Variants in SBF2 observed in about 807,000 individuals in gnomAD.
SBF2 encodes the protein SET binding factor 2.
A neutral mutation model predicts 225.2 loss-of-function variants in SBF2; 112 were observed. That is an observed-to-expected ratio of 0.50 (90% CI 0.43 to 0.58). The LOEUF is 0.58. SBF2 is among the 20% of genes least tolerant of loss of function. The pLI is 0.00. For synonymous variants in SBF2, 763 were observed against 773.3 expected (o/e 0.99, Z 0.22); for missense variants, 1,996 against 2,206.2 (o/e 0.90, Z 1.91).
At chr11:10,283,073 TC>T (rs1345202972) in intron 1 of SBF2, among the ~76,000 whole-genome samples, 27 of 152,330 alleles carry the variant, frequency 1.8e-4, no homozygotes, top group African/African-American at 6.5e-4. Flanking sequence ...ATATCACCTC[TC>T]ATAAGAAGTC....
Position 9,784,845 on chromosome 11 carries a change from T to G in SBF2, c.5231+280A>C, listed in dbSNP as rs369128824. 10 of 529,918 alleles carry G rather than the reference T, an allele frequency of 1.9e-5. No individual in the cohort carries two copies. In the African/African-American group the frequency reaches 1.9e-4, roughly 10 times the overall value. The allele number at this position is 529,918 out of a possible 1,614,324, so 32.8% of individuals were successfully genotyped here. On this transcript the variant is annotated intron_variant, in intron 37 of 39. Coordinates refer to ENST00000256190, the MANE Select transcript of SBF2 (RefSeq NM_030962.4). ...CTGATGTGTGCCACTGACAAAGTGC[T>G]GGCTGACACATGTTCCCTCAAACGT...
intron 32 of SBF2, among the ~76,000 whole-genome samples, chr11:9,802,558 G>A (rs906974356): frequency 4.6e-5 from 7 of 152,210 alleles, no homozygotes; most frequent in African/African-American, 1.4e-4. Context: ...TTGCTGCTGT[G>A]TAATTTTGAA....
intron 16 of SBF2, among the ~76,000 whole-genome samples, chr11:9,907,747 C>T (rs1226185085): frequency 6.6e-6 from 1 of 152,180 alleles, no homozygotes; most frequent in East Asian, 1.9e-4. Flanking sequence ...GAACACTGCA[C>T]CTGGCATATG....
intron 16 of SBF2, among the ~76,000 whole-genome samples, chr11:9,904,055 G>T (rs7126063): frequency 2.0e-5 from 3 of 151,808 alleles, no homozygotes; most frequent in Admixed American, 6.6e-5. Flanking sequence ...CCTAGAGGGT[G>T]GGGGACAGCT....
Position 9,853,656 on chromosome 11 carries a change from T to C in SBF2, c.2420A>G (p.Glu807Gly), listed in dbSNP as rs567119709. The change falls in exon 20 of 40, where the codon GAG (glutamate) becomes GGG (glycine). Residue 807 changes from glutamate to glycine, a missense_variant. Physicochemically the swap from Glu to Gly is moderately conservative, Grantham distance 98 (BLOSUM62 -2). Coordinates refer to ENST00000256190, the MANE Select transcript of SBF2 (RefSeq NM_030962.4). ...AACAGAATTGGCAATGTCAGTATTC[T>C]CTGAATCTTCAAACCCACTCTCTGT... ...YDTESGFEDSENTDIANSVVR... is the reference protein window; with the variant it reads ...YDTESGFEDSGNTDIANSVVR... The C allele has an allele frequency of 1.2e-6, 2 of 1,614,036 alleles. No homozygotes were observed. Among genetic ancestry groups the C allele is most frequent in the South Asian group, 2.2e-5 (2 of 91,072 alleles).
chr11:10,113,424 G>C (rs1468568986), intron 2 of SBF2, among the ~76,000 whole-genome samples: 2 of 152,070 alleles, frequency 1.3e-5, no homozygotes, highest in East Asian at 3.8e-4. Context: ...TGTTTCATCT[G>C]ATATTTTTCT....
At chr11:9,915,396 G>C (rs978589565) in intron 16 of SBF2, among the ~76,000 whole-genome samples, 5 of 147,430 alleles carry the variant, frequency 3.4e-5, no homozygotes, top group Admixed American at 6.9e-5. Flanking sequence ...GCAGTAAGCC[G>C]AGATCGCGCC....
At chr11:10,278,707 G>A (rs374062071) in intron 1 of SBF2, among the ~76,000 whole-genome samples, 142 of 151,360 alleles carry the variant, frequency 9.4e-4, no homozygotes, top group Middle Eastern at 6.8e-3. Context: ...AGCTTGAATC[G>A]GGGAGGCAGA....
intron 2 of SBF2, among the ~76,000 whole-genome samples, chr11:10,117,724 G>A (rs895061901): frequency 6.6e-6 from 1 of 151,344 alleles, no homozygotes; most frequent in African/African-American, 2.4e-5. Flanking sequence ...TTTGAACTTG[G>A]GAAAGCAGCC....
At chr11:10,287,270 CCTAT>C (rs760815783) in intron 1 of SBF2, among the ~76,000 whole-genome samples, 26 of 152,166 alleles carry the variant, frequency 1.7e-4, no homozygotes, top group Middle Eastern at 3.4e-3. Flanking sequence ...GAAAATGTTC[CCTAT>C]CTATCTATCT....
intron 3 of SBF2, among the ~76,000 whole-genome samples, chr11:10,034,627 C>T (rs968220754): frequency 6.6e-6 from 1 of 152,164 alleles, no homozygotes; most frequent in Admixed American, 6.5e-5. Context: ...CTGTATCACA[C>T]TAAAAATCTT....
intron 6 of SBF2, among the ~76,000 whole-genome samples, chr11:10,004,966 G>A (rs1424698624): frequency 6.6e-6 from 1 of 152,142 alleles, no homozygotes. Flanking sequence ...ACAGCAGGTA[G>A]CTAGCCAGAC....
At chr11:10,166,988 C>A (rs889026295) in intron 2 of SBF2, among the ~76,000 whole-genome samples, 2 of 151,414 alleles carry the variant, frequency 1.3e-5, no homozygotes, top group Non-Finnish European at 2.9e-5. Flanking sequence ...CACACACACA[C>A]AAAAAGGCTA....
At chr11:10,254,723 T>A (rs1331705723) in intron 1 of SBF2, among the ~76,000 whole-genome samples, 16 of 150,952 alleles carry the variant, frequency 1.1e-4, no homozygotes, top group Non-Finnish European at 2.1e-4. Flanking sequence ...CTAACCAGCA[T>A]GATGAAATCC....
chr11:9,829,342 T>C lies in SBF2; in HGVS notation c.3793+14A>G, dbSNP rs2133931561. 6.2e-7 allele frequency: 1 copy of C among 1,613,756 alleles called. No homozygotes were observed. The highest frequency in any genetic ancestry group is 1.7e-5 in the Admixed American group (1 of 60,016). Reference sequence around the variant, plus strand: ...TTAGAAGCTGTCAAGAAGAAAAGTATTATCAAATCTTACCTGGAGATAGAG... The same window carrying C: ...TTAGAAGCTGTCAAGAAGAAAAGTACTATCAAATCTTACCTGGAGATAGAG... On this transcript the variant is annotated intron_variant, in intron 28 of 39. Transcript: ENST00000256190.
rs1852008750 is a variant in SBF2 at position 9,781,560 on chromosome 11, C to G, written c.5398G>C (p.Ala1800Pro). Residue 1800 changes from alanine to proline, a missense_variant, in exon 39 of 40, where the codon GCT (alanine) becomes CCT (proline). Transcript: ENST00000256190. ...DLAEVEMVIPAGPSMGAPKHT... is the reference protein window; with the variant it reads ...DLAEVEMVIPPGPSMGAPKHT... ...TTTGGGGCTCCCATGCTGGGGCCAG[C>G]AGGGATGACCATTTCTACTTCAGCC... 2 of 1,614,096 alleles carry G rather than the reference C, an allele frequency of 1.2e-6. No individual in the cohort carries two copies. The highest frequency in any genetic ancestry group is 1.7e-6 in the Non-Finnish European group (2 of 1,180,042).
rs568114133 is a variant in SBF2, at chr11:9,882,451, T to C, written c.1929+13492A>G. Among the ~76,000 whole-genome samples, 243 of 152,310 alleles carry C rather than the reference T, an allele frequency of 1.6e-3. 1 individual carries two copies. Among genetic ancestry groups the C allele is most frequent in the African/African-American group, 5.6e-3 (231 of 41,558 alleles). Reference sequence around the variant, plus strand: ...GATATCTGTAATATGTAATTTAGTGTTGAACCACTGATTTGCACTTCCATA... The same window carrying C: ...GATATCTGTAATATGTAATTTAGTGCTGAACCACTGATTTGCACTTCCATA... On this transcript the variant is annotated intron_variant, in intron 17 of 39. Transcript: ENST00000256190.
At chr11:10,258,122 T>C (rs980722454) in intron 1 of SBF2, among the ~76,000 whole-genome samples, 8 of 150,924 alleles carry the variant, frequency 5.3e-5, no homozygotes, top group Admixed American at 4.6e-4. Flanking sequence ...TTTTTTTTTT[T>C]TGAGACAGGA....
rs910927113 is a variant in SBF2, at chr11:10,133,341, G to A, written c.141+60561C>T. ...CCTTGGGTGGTCGATGGGACTGGGTGCCGTGGAGCAGGGGGTGGTGCTTGT... is the reference window on the plus strand; with the variant it reads ...CCTTGGGTGGTCGATGGGACTGGGTACCGTGGAGCAGGGGGTGGTGCTTGT... On this transcript the variant is annotated intron_variant, in intron 2 of 39. Coordinates refer to ENST00000256190, the MANE Select transcript of SBF2 (RefSeq NM_030962.4). Among the ~76,000 whole-genome samples the A allele has an allele frequency of 8.0e-5, 12 of 149,644 alleles. 1 individual carries two copies. Among genetic ancestry groups the A allele is most frequent in the Admixed American group, 5.4e-4 (8 of 14,790 alleles).
Sources: allele counts gnomAD v4.1 joint callset (sites outside exome capture counted in the v4.1 genomes callset), GRCh38; gene constraint gnomAD v4.1.1; transcripts MANE v1.5; gene names NCBI Gene and HGNC (gene_info 2026-07-23, HGNC 2026-07-21).